The following TFEC variants were observed in gnomAD, a reference collection of about 807,000 sequenced individuals.
TFEC encodes the protein class E basic helix-loop-helix protein 34.
A neutral mutation model predicts 41.6 loss-of-function variants in TFEC; 31 were observed. The ratio of observed to expected loss-of-function variants is 0.74; its 90% CI spans 0.56 to 1.01. The LOEUF is 1.01. TFEC is among the 50% of genes least tolerant of loss of function. The pLI is 0.00. For synonymous variants in TFEC, 143 were observed against 140.6 expected, an observed-to-expected ratio of 1.02 and a Z score of -0.12; for missense variants, 402 against 404.1, an observed-to-expected ratio of 0.99 and a Z score of 0.04.
At chr7:115,969,432 A>G (rs948634117) in intron 3 of TFEC, among the ~76,000 whole-genome samples, 7 of 151,924 alleles carry the variant, frequency 4.6e-5, no homozygotes, top group Admixed American at 4.6e-4. Context: ...ACAAGCTGAC[A>G]TTGACTAAAG....
At chr7:116,064,091 TAGAG>T (rs1242720227) in intron 3 of TFEC, among the ~76,000 whole-genome samples, 1 of 152,134 alleles carries the variant, frequency 6.6e-6, no homozygotes, top group East Asian at 1.9e-4. Context: ...GGGGGGCAGT[TAGAG>T]AGATGCTGGC....
Position 115,938,649 on chromosome 7 carries a change from T to A in TFEC, c.*1902A>T, listed in dbSNP as rs1181269192. 2 of 151,932 alleles carry A rather than the reference T, an allele frequency of 1.3e-5. No individual in the cohort carries two copies. Among genetic ancestry groups the A allele is most frequent in the African/African-American group, 4.8e-5 (2 of 41,424 alleles). The allele number at this position is 151,932 out of a possible 1,614,324, so 9.4% of individuals were successfully genotyped here. A position where few individuals can be genotyped will look rare whatever the true frequency, so the allele number is the denominator to read the frequency against. Reference sequence around the variant, plus strand: ...TTTTCTACTTTTATCAGCATTAGGGTCTCACATTTCATAGTGACATATTTT... The same window carrying A: ...TTTTCTACTTTTATCAGCATTAGGGACTCACATTTCATAGTGACATATTTT... On this transcript the variant is annotated 3_prime_UTR_variant, in exon 8 of 8. Transcript: ENST00000265440.
At chr7:116,159,656 T>C (rs1283919110) in intron 1 of TFEC, 1 of 152,138 alleles carries the variant, frequency 6.6e-6, no homozygotes, top group Non-Finnish European at 1.5e-5. Context: ...CTTTTTGAGC[T>C]AATGTAAGTT....
intron 3 of TFEC, among the ~76,000 whole-genome samples, chr7:116,096,588 C>T (rs1797466494): frequency 1.4e-5 from 2 of 145,248 alleles, no homozygotes; most frequent in African/African-American, 2.6e-5. Flanking sequence ...TCTTACTATG[C>T]GTTTTTTTTT....
At chr7:115,956,997 TG>T (rs753593668) in intron 3 of TFEC, among the ~76,000 whole-genome samples, 1 of 151,900 alleles carries the variant, frequency 6.6e-6, no homozygotes, top group Non-Finnish European at 1.5e-5. Context: ...TAAGATGCGC[TG>T]AAAAAAAGTT....
At chr7:116,083,613 A>T (rs1205272792) in intron 3 of TFEC, among the ~76,000 whole-genome samples, 1 of 151,958 alleles carries the variant, frequency 6.6e-6, no homozygotes, top group Non-Finnish European at 1.5e-5. Flanking sequence ...AACTTTATTT[A>T]AAATAATACA....
At chr7:116,074,768 T>C (rs1189684149) in intron 3 of TFEC, among the ~76,000 whole-genome samples, 1 of 152,174 alleles carries the variant, frequency 6.6e-6, no homozygotes, top group South Asian at 2.1e-4. Flanking sequence ...AGGGTATATA[T>C]AGATATGTCT....
At chr7:116,119,952 G>A (rs1025464741) in intron 1 of TFEC, among the ~76,000 whole-genome samples, 1 of 150,272 alleles carries the variant, frequency 6.7e-6, no homozygotes, top group African/African-American at 2.4e-5. Context: ...TGCTTACAAT[G>A]TTAAGTAAAA....
At chr7:115,953,637 C>T (rs1792065382) in intron 5 of TFEC, among the ~76,000 whole-genome samples, 1 of 152,034 alleles carries the variant, frequency 6.6e-6, no homozygotes, top group Non-Finnish European at 1.5e-5. Flanking sequence ...ACCATTAGCT[C>T]TCCCCACTCA....
At chr7:115,957,318 A>G (rs1274253667) in intron 3 of TFEC, among the ~76,000 whole-genome samples, 1 of 151,850 alleles carries the variant, frequency 6.6e-6, no homozygotes, top group Non-Finnish European at 1.5e-5. Context: ...CCTGGAAGGC[A>G]TACTTTTTCT....
chr7:116,106,370 T>G (rs1036614926), intron 3 of TFEC, among the ~76,000 whole-genome samples: 1 of 151,308 alleles, frequency 6.6e-6, no homozygotes, highest in African/African-American at 2.5e-5. Context: ...CAGTTTTTTG[T>G]TTTTTGTTTG....
At position 116,017,314 on chromosome 7, in the gene TFEC, CG is replaced by C. The variant is rs559046246; in HGVS notation, c.-73+13318del. On this transcript the variant is annotated intron_variant, in intron 1 of 7. Coordinates refer to ENST00000265440, the MANE Select transcript of TFEC (RefSeq NM_012252.4). ...TCCACTCACTGCAACCTCTGCCTCCCGGGTTCAAGTGATTCTCCTGCCTCAG... is the reference window on the plus strand; with the variant it reads ...TCCACTCACTGCAACCTCTGCCTCCCGGTTCAAGTGATTCTCCTGCCTCAG... Among the ~76,000 whole-genome samples, 372 of 152,244 alleles carry C rather than the reference CG, an allele frequency of 2.4e-3. 2 individuals are homozygous for C. The highest frequency in any genetic ancestry group is 4.3e-3 in the Non-Finnish European group (295 of 68,006).
chr7:116,107,941 T>C (rs1797758193), intron 3 of TFEC, among the ~76,000 whole-genome samples: 1 of 152,170 alleles, frequency 6.6e-6, no homozygotes, highest in South Asian at 2.1e-4. Flanking sequence ...GCTTGTCCCA[T>C]AGCAATTGCT....
chr7:115,941,426 C>A (rs918777342), intron 7 of TFEC: 6 of 164,812 alleles, frequency 3.6e-5, no homozygotes, highest in African/African-American at 1.4e-4. Flanking sequence ...TCACAACATG[C>A]CTTGAGGCAA....
intron 3 of TFEC, among the ~76,000 whole-genome samples, chr7:115,972,295 T>A (rs1421168773): frequency 6.6e-6 from 1 of 152,122 alleles, no homozygotes; most frequent in Non-Finnish European, 1.5e-5. Context: ...CTGACTAGCA[T>A]TCAAAATGAA....
chr7:116,028,220 A>G (rs1795658596), intron 1 of TFEC, among the ~76,000 whole-genome samples: 1 of 152,166 alleles, frequency 6.6e-6, no homozygotes, highest in South Asian at 2.1e-4. Context: ...TGCTCCAATA[A>G]ATACAATTTA....
rs188929058 is a variant in TFEC at position 115,984,253 on chromosome 7, T to C, written c.180+9A>G. 3.3e-4 allele frequency: 525 copies of C among 1,609,884 alleles called. No homozygotes were observed. The highest frequency in any genetic ancestry group is 4.3e-4 in the Non-Finnish European group (511 of 1,176,448). ...ATGATATATTTTTATAACCAGCCAT[T>C]AGACATACATGCCATTGTGCATTGT... On this transcript the variant is annotated intron_variant, in intron 2 of 7. Coordinates refer to ENST00000265440, the MANE Select transcript of TFEC (RefSeq NM_012252.4).
intron 3 of TFEC, among the ~76,000 whole-genome samples, chr7:116,080,568 A>G (rs1271407040): frequency 6.6e-6 from 1 of 152,138 alleles, no homozygotes; most frequent in African/African-American, 2.4e-5. Flanking sequence ...AGATATACAA[A>G]TGGCCAAGAA....
chr7:115,984,373 C>T lies in TFEC; in HGVS notation c.69G>A (p.Gly23=), dbSNP rs769468970. ...KWSQPAVPSG[G]PLVQHAHTTL... ...TTGTGTGTGCATGCTGCACAAGAGG[C>T]CCACCACTTGGCACTGCAGGTTGTG... Residue 23 remains glycine (G), a synonymous_variant, in exon 2 of 8, where the codon GGG becomes GGA. Transcript: ENST00000265440. 2.5e-6 allele frequency: 4 copies of T among 1,614,116 alleles called. No homozygotes were observed. In the Admixed American group the frequency reaches 5.0e-5, roughly 20 times the overall value.
Sources: allele counts gnomAD v4.1 joint callset (sites outside exome capture counted in the v4.1 genomes callset), GRCh38; gene constraint gnomAD v4.1.1; transcripts MANE v1.5; gene names NCBI Gene and HGNC (gene_info 2026-07-23, HGNC 2026-07-21).